Variants in TRPM3 observed in about 807,000 individuals in gnomAD.
TRPM3 encodes the protein long transient receptor potential channel 3.
Under a neutral mutation model 181.2 loss-of-function variants are expected in TRPM3, and 77 were observed. That is an observed-to-expected ratio of 0.42 (90% CI 0.35 to 0.51). The LOEUF (loss-of-function observed/expected upper bound fraction) is 0.51. Ranked by LOEUF, TRPM3 falls within the 20% of genes least tolerant of loss-of-function variation. The probability of loss-of-function intolerance (pLI) is 0.01; values close to 1 mark genes in which losing one functional copy is unlikely to be tolerated. For missense variants in TRPM3, 1,759 were observed against 2,196.7 expected, an observed-to-expected ratio of 0.80 and a Z score of 3.98; for synonymous variants, 745 against 796.4, an observed-to-expected ratio of 0.94 and a Z score of 1.09.
At chr9:71,435,951 T>C (rs1473666362) in intron 1 of TRPM3, among the ~76,000 whole-genome samples, 1 of 151,988 alleles carries the variant, frequency 6.6e-6, no homozygotes, top group Non-Finnish European at 1.5e-5. Flanking sequence ...CCTTTGAAAA[T>C]GGAGAAAGGG....
intron 8 of TRPM3, among the ~76,000 whole-genome samples, chr9:70,755,579 C>T (rs868414998): frequency 1.2e-4 from 18 of 152,066 alleles, no homozygotes; most frequent in Middle Eastern, 6.8e-3. Context: ...CATGTTGAGG[C>T]TGGTCTCGAA....
At chr9:70,538,195 T>A (rs2042268133) in intron 25 of TRPM3, among the ~76,000 whole-genome samples, 1 of 152,236 alleles carries the variant, frequency 6.6e-6, no homozygotes, top group Non-Finnish European at 1.5e-5. Flanking sequence ...TCTCTCTGTC[T>A]CTCCCTCTCT....
rs199811600 is a variant in TRPM3, at chr9:70,681,483, T to C, written c.1345+23A>G. 3 of 1,605,646 alleles carry C rather than the reference T, an allele frequency of 1.9e-6. No homozygotes were observed. The East Asian group carries it at 6.7e-5, about 36-fold the overall frequency. On this transcript the variant is annotated intron_variant, in intron 9 of 25. Transcript: ENST00000677713. ...TAATTCGTTTAAATTATTTTCACAC[T>C]CTCTGGACACAGACTCTTTTACCTT...
At chr9:70,754,521 G>A (rs1173900492) in intron 8 of TRPM3, among the ~76,000 whole-genome samples, 4 of 152,154 alleles carry the variant, frequency 2.6e-5, no homozygotes, top group Non-Finnish European at 5.9e-5. Context: ...AGCAGTATCT[G>A]TGTGAAGATG....
intron 8 of TRPM3, among the ~76,000 whole-genome samples, chr9:70,698,738 C>A (rs1222653904): frequency 6.6e-6 from 1 of 152,008 alleles, no homozygotes; most frequent in Non-Finnish European, 1.5e-5. Flanking sequence ...CACCATCCCC[C>A]CTTGGTACTG....
chr9:70,619,837 T>TA (rs920916805), intron 16 of TRPM3, among the ~76,000 whole-genome samples: 1 of 152,152 alleles, frequency 6.6e-6, no homozygotes, highest in African/African-American at 2.4e-5. Flanking sequence ...AAGAAGTGCA[T>TA]AACTACGGGG....
chr9:70,619,014 A>G lies in TRPM3; in HGVS notation c.2211T>C (p.Tyr737=). 6.2e-7 allele frequency: 1 copy of G among 1,614,228 alleles called. No individual in the cohort carries two copies. The change falls in exon 17 of 26, where the codon TAT becomes TAC. Residue 737 remains tyrosine (Y), a synonymous_variant. Transcript: ENST00000677713. ...TGGCGTTGCTCCAGTTCTTCAGCTC[A>G]TACGTCAGCAGTTTCATGGCCAGCT... ...DEQLAMKLLT[Y]ELKNWSNATC...
chr9:70,616,067 C>A lies in TRPM3; in HGVS notation c.2367G>T (p.Leu789=). 1.3e-6 allele frequency: 2 copies of A among 1,594,386 alleles called. No individual in the cohort carries two copies. The highest frequency in any genetic ancestry group is 1.2e-5 in the South Asian group (1 of 86,700). The stretch of plus-strand genomic sequence containing the variant: ...GAATTGAAGGAGGAAGTAGAATTCC[C>A]AGAATTACCTAAAGTAATAATAATG... ...MRKNSGLKVI[L]GILLPPSILS... The change falls in exon 18 of 26, where the codon CTG becomes CTT. Residue 789 remains leucine, a synonymous_variant. Coordinates refer to ENST00000677713, the MANE Select transcript of TRPM3 (RefSeq NM_001366145.2).
At chr9:71,216,970 A>G (rs2079916390) in intron 1 of TRPM3, among the ~76,000 whole-genome samples, 1 of 63,148 alleles carries the variant, frequency 1.6e-5, no homozygotes, top group Non-Finnish European at 2.5e-5. Flanking sequence ...TTTTTTTTTG[A>G]GACGGAGTCT....
chr9:70,924,084 T>G (rs960950400), intron 1 of TRPM3, among the ~76,000 whole-genome samples: 1 of 151,910 alleles, frequency 6.6e-6, no homozygotes, highest in Admixed American at 6.6e-5. Flanking sequence ...TCTAGGACAT[T>G]TGGCAATGTC....
chr9:71,271,177 C>G (rs1410921334), intron 1 of TRPM3, among the ~76,000 whole-genome samples: 2 of 152,106 alleles, frequency 1.3e-5, no homozygotes, highest in Admixed American at 1.3e-4. Context: ...CTTGTGACAC[C>G]CACTCAGGGG....
chr9:70,946,275 G>A (rs1463014552), intron 1 of TRPM3, among the ~76,000 whole-genome samples: 1 of 151,942 alleles, frequency 6.6e-6, no homozygotes, highest in Non-Finnish European at 1.5e-5. Context: ...AAAGTGCTGG[G>A]ATTAAAGATG....
At chr9:70,606,940 G>A (rs1245892801) in intron 19 of TRPM3, among the ~76,000 whole-genome samples, 2 of 152,098 alleles carry the variant, frequency 1.3e-5, no homozygotes, top group African/African-American at 4.8e-5. Flanking sequence ...CCTCTGGAGA[G>A]CAGAGGGGCA....
chr9:71,063,882 C>A (rs1485297422), intron 1 of TRPM3, among the ~76,000 whole-genome samples: 1 of 151,818 alleles, frequency 6.6e-6, no homozygotes, highest in African/African-American at 2.4e-5. Context: ...GTGGAAGAGA[C>A]TGAAAGTCAT....
chr9:71,259,578 A>C (rs1283184475), intron 1 of TRPM3, among the ~76,000 whole-genome samples: 1 of 151,994 alleles, frequency 6.6e-6, no homozygotes, highest in Non-Finnish European at 1.5e-5. Context: ...TTTAATGATC[A>C]CTATTCTAAC....
chr9:71,349,896 A>G (rs2091507746), intron 1 of TRPM3, among the ~76,000 whole-genome samples: 1 of 151,380 alleles, frequency 6.6e-6, no homozygotes, highest in Non-Finnish European at 1.5e-5. Context: ...CCATCACTCC[A>G]TCATAATAGT....
chr9:70,649,474 C>T (rs1291490582), intron 9 of TRPM3, among the ~76,000 whole-genome samples: 1 of 152,070 alleles, frequency 6.6e-6, no homozygotes, highest in Non-Finnish European at 1.5e-5. Context: ...CAGGTGTGAG[C>T]CATCACACCC....
chr9:70,697,500 T>C (rs1037104232), intron 8 of TRPM3, among the ~76,000 whole-genome samples: 2 of 152,240 alleles, frequency 1.3e-5, no homozygotes, highest in Admixed American at 6.5e-5. Flanking sequence ...ATTATTATTA[T>C]GCCCATTGCA....
At chr9:71,013,324 TGTG>T (rs1330249077) in intron 1 of TRPM3, among the ~76,000 whole-genome samples, 1 of 152,096 alleles carries the variant, frequency 6.6e-6, no homozygotes, top group Non-Finnish European at 1.5e-5. Flanking sequence ...TGTTTTATGA[TGTG>T]GTGTTAGATT....
Sources: gnomAD v4.1 joint callset for allele counts (sites outside exome capture counted in the v4.1 genomes callset) on GRCh38, gnomAD v4.1.1 for gene constraint, MANE v1.5 for transcripts, NCBI Gene and HGNC (gene_info 2026-07-23, HGNC 2026-07-21) for gene names.